Variants in RPS6KC1 observed in about 807,000 individuals in gnomAD.
RPS6KC1 encodes inactive ribosomal protein S6 kinase delta-1.
A neutral mutation model predicts 103.8 loss-of-function variants in RPS6KC1; 54 were observed. The ratio of observed to expected loss-of-function variants is 0.52; its 90% CI spans 0.42 to 0.65. The LOEUF is 0.65. Among genes scored for constraint, RPS6KC1 ranks in the 30% least tolerant of loss-of-function variants. The probability of loss-of-function intolerance (pLI) is 0.00; values close to 1 mark genes in which losing one functional copy is unlikely to be tolerated. For synonymous variants in RPS6KC1, 439 were observed against 438.7 expected (o/e 1.00, Z -0.01); for missense variants, 1,151 against 1,253.8 (o/e 0.92, Z 1.24).
the RPS6KC1 span, among the ~76,000 whole-genome samples, chr1:213,374,204 A>G: frequency 2.0e-5 from 3 of 152,236 alleles, no homozygotes; most frequent in South Asian, 2.1e-4. Context: ...TAAATGCTCA[A>G]TAAATGATAG....
intron 12 of RPS6KC1, among the ~76,000 whole-genome samples, chr1:213,248,014 G>A (rs2094481770): frequency 6.6e-6 from 1 of 152,102 alleles, no homozygotes; most frequent in African/African-American, 2.4e-5. Flanking sequence ...AAAGTTGAAT[G>A]TCAAGATTCT....
At chr1:213,790,321 G>A in the RPS6KC1 span, among the ~76,000 whole-genome samples, 1 of 152,134 alleles carries the variant, frequency 6.6e-6, no homozygotes, top group Non-Finnish European at 1.5e-5. Context: ...GTTGATCTTT[G>A]ACTTGAGAGA....
At chr1:213,780,019 C>G in the RPS6KC1 span, among the ~76,000 whole-genome samples, 1 of 152,116 alleles carries the variant, frequency 6.6e-6, no homozygotes, top group Non-Finnish European at 1.5e-5. Context: ...ACAGAACATG[C>G]TCCCTATTTC....
At chr1:213,117,591 A>G (rs910827454) in intron 5 of RPS6KC1, among the ~76,000 whole-genome samples, 181 bp downstream of exon 5, 3 of 151,980 alleles carry the variant, frequency 2.0e-5, no homozygotes, top group Admixed American at 1.3e-4. Context: ...TGGGTCAGGC[A>G]TATCTCATAT....
At chr1:213,355,232 A>AG in the RPS6KC1 span, among the ~76,000 whole-genome samples, 3 of 151,782 alleles carry the variant, frequency 2.0e-5, no homozygotes, top group Non-Finnish European at 4.4e-5. Flanking sequence ...GGAAAAAAAA[A>AG]AGAGAGAGAG....
intron 3 of RPS6KC1, among the ~76,000 whole-genome samples, chr1:213,092,066 G>T (rs960201307): frequency 6.6e-6 from 1 of 151,836 alleles, no homozygotes; most frequent in African/African-American, 2.4e-5. Context: ...TAAGAGGTCA[G>T]CAGTTTTATT....
the RPS6KC1 span, among the ~76,000 whole-genome samples, chr1:213,686,917 T>C: frequency 6.6e-6 from 1 of 152,168 alleles, no homozygotes. Flanking sequence ...GAACCGAGAG[T>C]TCCTCTTCCT....
chr1:213,451,949 A>G, the RPS6KC1 span, among the ~76,000 whole-genome samples: 117,325 of 152,164 alleles, frequency 0.77, 45,523 homozygotes, highest in East Asian at 0.98. Context: ...AGAAGGCGAG[A>G]CTTCCAGATG....
the RPS6KC1 span, among the ~76,000 whole-genome samples, chr1:213,629,369 G>A: frequency 6.6e-6 from 1 of 151,776 alleles, no homozygotes; most frequent in Non-Finnish European, 1.5e-5. Context: ...ATCTTTGTTG[G>A]TTTAAAGTCT....
At chr1:213,239,224 G>T (rs563488828) in intron 10 of RPS6KC1, among the ~76,000 whole-genome samples, 121 of 152,252 alleles carry the variant, frequency 7.9e-4, no homozygotes, top group Non-Finnish European at 1.5e-3. Context: ...TGTAATCCCA[G>T]CTACTTGGGT....
the RPS6KC1 span, among the ~76,000 whole-genome samples, chr1:213,766,328 AG>A: frequency 6.6e-6 from 1 of 152,238 alleles, no homozygotes; most frequent in Non-Finnish European, 1.5e-5. Context: ...ACAGGAAGTC[AG>A]TTGCTCTTCT....
the RPS6KC1 span, among the ~76,000 whole-genome samples, chr1:213,631,078 G>A: frequency 2.0e-5 from 3 of 152,036 alleles, no homozygotes; most frequent in Non-Finnish European, 4.4e-5. Context: ...TATTAGGGTG[G>A]GAGTGACCCG....
chr1:213,832,905 C>A, the RPS6KC1 span, among the ~76,000 whole-genome samples: 2 of 152,078 alleles, frequency 1.3e-5, no homozygotes, highest in East Asian at 3.9e-4. Flanking sequence ...TCCCATAGAC[C>A]TCCCCTTCCT....
rs1214331191 is a variant in RPS6KC1, at chr1:213,143,194, A to G, written c.835+13305A>G. Among the ~76,000 whole-genome samples the G allele has an allele frequency of 3.3e-5, 5 of 152,006 alleles. No individual in the cohort carries two copies. In the East Asian group the frequency reaches 7.7e-4, roughly 23 times the overall value. On this transcript the variant is annotated intron_variant, in intron 6 of 14. Coordinates refer to ENST00000366960, the MANE Select transcript of RPS6KC1 (RefSeq NM_012424.6). ...TTTAGTAGATATTCAACTGTTTTGTATATTTCTTCTTTCGTGAAACTCAGC... is the reference window on the plus strand; with the variant it reads ...TTTAGTAGATATTCAACTGTTTTGTGTATTTCTTCTTTCGTGAAACTCAGC...
chr1:213,807,752 G>T, the RPS6KC1 span, among the ~76,000 whole-genome samples: 2 of 152,058 alleles, frequency 1.3e-5, no homozygotes, highest in African/African-American at 4.8e-5. Context: ...TAGTTTGATT[G>T]TCTGAAGCCT....
the RPS6KC1 span, among the ~76,000 whole-genome samples, chr1:213,484,764 A>G: frequency 1.3e-5 from 2 of 152,224 alleles, no homozygotes; most frequent in Non-Finnish European, 2.9e-5. Flanking sequence ...AAAGGATTCA[A>G]TTGCAAATAG....
the RPS6KC1 span, among the ~76,000 whole-genome samples, chr1:213,400,311 T>C: frequency 2.6e-5 from 4 of 152,046 alleles, no homozygotes; most frequent in African/African-American, 9.7e-5. Flanking sequence ...AGAGAACAGG[T>C]GGTAGTGAAA....
chr1:213,657,856 C>T, the RPS6KC1 span, among the ~76,000 whole-genome samples: 1 of 152,176 alleles, frequency 6.6e-6, no homozygotes. Context: ...TAATTCTAGG[C>T]ATTATGCTAT....
At chr1:213,747,328 G>T in the RPS6KC1 span, among the ~76,000 whole-genome samples, 2 of 152,282 alleles carry the variant, frequency 1.3e-5, no homozygotes, top group South Asian at 4.1e-4. Context: ...GGAGGTCACT[G>T]GTGCCCTGGA....
Sources: gnomAD v4.1 joint callset for allele counts (sites outside exome capture counted in the v4.1 genomes callset) on GRCh38, gnomAD v4.1.1 for gene constraint, MANE v1.5 for transcripts, NCBI Gene and HGNC (gene_info 2026-07-23, HGNC 2026-07-21) for gene names.